ANKRD33B: variants seen among roughly 807,000 people sequenced by gnomAD.
ANKRD33B encodes the protein ankyrin repeat domain-containing protein 33B.
In ANKRD33B, 6 loss-of-function variants were observed where a neutral mutation model predicts 21.5. That is an observed-to-expected ratio of 0.28 (90% CI 0.15 to 0.55). The LOEUF (loss-of-function observed/expected upper bound fraction) is 0.55, where lower values mean the gene tolerates loss of function less well. Ranked by LOEUF, ANKRD33B falls within the 20% of genes least tolerant of loss-of-function variation. The pLI is 0.94. For synonymous variants in ANKRD33B, 347 were observed against 342.4 expected, an observed-to-expected ratio of 1.01 and a Z score of -0.15; for missense variants, 698 against 747.2, an observed-to-expected ratio of 0.93 and a Z score of 0.77.
In ANKRD33B at chr5:10,650,060, C is replaced by G. The variant is rs1579763638; in HGVS notation, c.1432C>G (p.Gln478Glu). The G allele has an allele frequency of 1.3e-6, 2 of 1,530,648 alleles. No individual in the cohort carries two copies. The highest frequency in any genetic ancestry group is 1.4e-5 in the African/African-American group (1 of 72,418). The allele number at this position is 1,530,648 out of a possible 1,614,324, so 94.8% of individuals were successfully genotyped here. The change falls in exon 4 of 4, where the codon CAG becomes GAG. Residue 478 changes from glutamine to glutamate, a missense_variant. Gln to Glu is a conservative substitution (Grantham distance 29). Coordinates refer to ENST00000296657, the MANE Select transcript of ANKRD33B (RefSeq NM_001164440.2). ...GGCAGAGGAGGCCGAAAAGAAGCGC[C>G]AGGCCGAGGCGCAGAAGGAGAGGCG... ...RKAEEAEKKR[Q>E]AEAQKERRTA... is the part of the protein sequence containing the mutation.
intron 1 of ANKRD33B, among the ~76,000 whole-genome samples, chr5:10,605,771 C>T (rs62339279): frequency 0.026 from 3,997 of 152,256 alleles, 59 homozygotes; most frequent in Non-Finnish European, 0.042. Flanking sequence ...TCAGGTGATC[C>T]GCCTGCCTCA....
chr5:10,625,619 A>G (rs1736528019), intron 2 of ANKRD33B, among the ~76,000 whole-genome samples: 1 of 152,202 alleles, frequency 6.6e-6, no homozygotes, highest in African/African-American at 2.4e-5. Flanking sequence ...AGGCTGCGTT[A>G]TGACTGGCCT....
In ANKRD33B at chr5:10,564,762, G is replaced by A; in HGVS notation, c.295G>A (p.Gly99Arg). The A allele has an allele frequency of 6.5e-7, 1 of 1,527,876 alleles. No homozygotes were observed. Among genetic ancestry groups the A allele is most frequent in the Non-Finnish European group, 8.8e-7 (1 of 1,141,696 alleles). 94.6% of individuals were successfully genotyped at this position (1,527,876 alleles called of 1,614,324 possible). A position where few individuals can be genotyped will look rare whatever the true frequency, so the allele number is the denominator to read the frequency against. ...GCGCGCCGCCTGCGCCAACAACGTGGGGCTGCTGCGGACGCTGGTGCGGCG... is the reference window on the plus strand; with the variant it reads ...GCGCGCCGCCTGCGCCAACAACGTGAGGCTGCTGCGGACGCTGGTGCGGCG... ...LLRAACANNV[G>R]LLRTLVRRGV... The change falls in exon 1 of 4, where the codon GGG becomes AGG. Residue 99 changes from glycine to arginine, a missense_variant. By Grantham distance (125) the Gly-to-Arg change is moderately radical (BLOSUM62 -2). This residue lies in a region of ANKRD33B where 148 missense variants were observed against 154.9 expected (regional missense o/e 0.96). Coordinates refer to ENST00000296657, the MANE Select transcript of ANKRD33B (RefSeq NM_001164440.2).
intron 2 of ANKRD33B, among the ~76,000 whole-genome samples, chr5:10,633,930 C>T (rs897360132): frequency 2.0e-5 from 3 of 152,106 alleles, no homozygotes; most frequent in African/African-American, 2.4e-5. Context: ...CCCCCGTTTC[C>T]GTGTAATAGT....
chr5:10,621,729 A>G (rs2126585279), intron 2 of ANKRD33B, among the ~76,000 whole-genome samples: 1 of 152,394 alleles, frequency 6.6e-6, no homozygotes, highest in Non-Finnish European at 1.5e-5. Context: ...ACTGGTTAAT[A>G]TCCTATAAGG....
intron 1 of ANKRD33B, among the ~76,000 whole-genome samples, chr5:10,606,240 G>A (rs1736042217): frequency 6.6e-6 from 1 of 152,174 alleles, no homozygotes; most frequent in African/African-American, 2.4e-5. Flanking sequence ...GCAAAATTTA[G>A]TCTAAAGGGA....
chr5:10,577,713 G>T (rs1735355140), intron 1 of ANKRD33B, among the ~76,000 whole-genome samples: 1 of 152,230 alleles, frequency 6.6e-6, no homozygotes, highest in African/African-American at 2.4e-5. Flanking sequence ...AAAAATAGCA[G>T]CAGTGACATA....
intron 3 of ANKRD33B, among the ~76,000 whole-genome samples, chr5:10,643,788 C>A (rs966308522): frequency 4.8e-5 from 7 of 144,458 alleles, no homozygotes; most frequent in African/African-American, 1.5e-4. Context: ...CCACTGTATT[C>A]CAGCCTAGGC....
intron 1 of ANKRD33B, among the ~76,000 whole-genome samples, chr5:10,598,189 T>C (rs1174951270): frequency 6.6e-6 from 1 of 152,230 alleles, no homozygotes; most frequent in African/African-American, 2.4e-5. Context: ...TAGGAGACTT[T>C]TGAGTATTTT....
rs2030539857 is a variant in ANKRD33B, at chr5:10,594,280, A to G, written c.367-24053A>G. 2.6e-5 allele frequency among the ~76,000 whole-genome samples: 3 copies of G among 117,128 alleles called. No homozygotes were observed. The South Asian group carries it at 8.5e-4, about 33-fold the overall frequency. The allele number at this position is 117,128 out of a possible 152,430, so 76.8% of individuals were successfully genotyped here. A position where few individuals can be genotyped will look rare whatever the true frequency, so the allele number is the denominator to read the frequency against. On this transcript the variant is annotated intron_variant, in intron 1 of 3. Transcript: ENST00000296657. ...TTCTTGCTCTTGTTGCCCAGGCTGG[A>G]GTGCAATGCCCACCACAACCTCCGC...
intron 2 of ANKRD33B, among the ~76,000 whole-genome samples, chr5:10,630,563 AG>A (rs1235498608): frequency 2.0e-5 from 3 of 152,222 alleles, no homozygotes; most frequent in African/African-American, 4.8e-5. Flanking sequence ...AACTTGCAAA[AG>A]GCAGGTGAAT....
intron 3 of ANKRD33B, among the ~76,000 whole-genome samples, chr5:10,646,554 G>A (rs1185472925): frequency 6.6e-6 from 1 of 152,214 alleles, no homozygotes; most frequent in African/African-American, 2.4e-5. Context: ...ACTTTGGACA[G>A]ATCTTCCTCT....
At chr5:10,606,639 C>T (rs1036988128) in intron 1 of ANKRD33B, among the ~76,000 whole-genome samples, 4 of 151,534 alleles carry the variant, frequency 2.6e-5, no homozygotes, top group Admixed American at 6.6e-5. Context: ...GAGGCTGAGG[C>T]AGGAGAATCA....
rs978998502 is a variant in ANKRD33B at position 10,580,948 on chromosome 5, A to G, written c.366+16115A>G. On this transcript the variant is annotated intron_variant, in intron 1 of 3. Transcript: ENST00000296657. ...ACTTGGCAGTGGGTTGGGCTCTGGC[A>G]GGTCCTCTAAGTCTTCTGCTTCCCA... Among the ~76,000 whole-genome samples the G allele has an allele frequency of 2.0e-4, 31 of 152,072 alleles. 1 individual carries two copies.
intron 2 of ANKRD33B, among the ~76,000 whole-genome samples, chr5:10,635,545 A>G (rs1736837842): frequency 6.6e-6 from 1 of 152,270 alleles, no homozygotes; most frequent in African/African-American, 2.4e-5. Flanking sequence ...GAACACTGTT[A>G]GACTCATCAG....
At chr5:10,641,293 A>G (rs535490257) in intron 3 of ANKRD33B, among the ~76,000 whole-genome samples, 1 of 143,168 alleles carries the variant, frequency 7.0e-6, no homozygotes, top group East Asian at 2.1e-4. Context: ...CGGTGGTGCA[A>G]TCTCGGCTCA....
At chr5:10,587,631 T>C (rs1190026758) in intron 1 of ANKRD33B, among the ~76,000 whole-genome samples, 1 of 151,920 alleles carries the variant, frequency 6.6e-6, no homozygotes, top group East Asian at 1.9e-4. Context: ...GTATTCCCAG[T>C]ACCTGGAGCT....
intron 2 of ANKRD33B, chr5:10,625,254 C>T (rs1280461460): frequency 6.3e-6 from 1 of 157,876 alleles, no homozygotes; most frequent in Non-Finnish European, 1.4e-5. Flanking sequence ...AAAAGCTGTC[C>T]ATGCATATTT....
At chr5:10,584,863 T>C (rs1347917421) in intron 1 of ANKRD33B, among the ~76,000 whole-genome samples, 2 of 152,186 alleles carry the variant, frequency 1.3e-5, no homozygotes, top group East Asian at 3.9e-4. Flanking sequence ...TTTGCAGCAC[T>C]GGGCTGGTGC....
Sources: allele counts gnomAD v4.1 joint callset (sites outside exome capture counted in the v4.1 genomes callset), GRCh38; gene constraint gnomAD v4.1.1; regional missense constraint gnomAD v4.1.1; transcripts MANE v1.5; gene names NCBI Gene and HGNC (gene_info 2026-07-23, HGNC 2026-07-21).